PLOD2: variants seen among roughly 807,000 people sequenced by gnomAD.
The protein encoded by PLOD2 is procollagen-lysine,2-oxoglutarate 5-dioxygenase 2.
A neutral mutation model predicts 101.0 loss-of-function variants in PLOD2; 65 were observed. That is an observed-to-expected ratio of 0.64 (90% confidence interval 0.53 to 0.79). PLOD2 has a LOEUF of 0.79. Among genes scored for constraint, PLOD2 ranks in the 30% least tolerant of loss-of-function variants. The probability of loss-of-function intolerance (pLI) is 0.00; values close to 1 mark genes in which losing one functional copy is unlikely to be tolerated. For missense variants in PLOD2, 909 were observed against 914.6 expected, an observed-to-expected ratio of 0.99 and a Z score of 0.08; for synonymous variants, 314 against 302.9, an observed-to-expected ratio of 1.04 and a Z score of -0.38.
Position 146,091,893 on chromosome 3 carries a change from C to G in PLOD2, c.786G>C (p.Leu262=). The G allele has an allele frequency of 6.4e-7, 1 of 1,559,682 alleles. No homozygotes were observed. Among genetic ancestry groups the G allele is most frequent in the East Asian group, 2.2e-5 (1 of 44,500 alleles). ...INGNGPTKIL[L]NYFGNYVPNS... The stretch of plus-strand genomic sequence containing the variant: ...TGGGTACATAGTTTCCAAAATAATT[C>G]AGGAGAATCTTGTAAATGAAGGAAA... Residue 262 remains leucine, a synonymous_variant, in exon 8 of 20, where the codon CTG becomes CTC. Transcript: ENST00000282903.
rs752098974 is a variant in PLOD2 at position 146,106,602 on chromosome 3, T to C, written c.545A>G (p.Gln182Arg). 1.9e-6 allele frequency: 3 copies of C among 1,592,100 alleles called. No individual in the cohort carries two copies. The highest frequency in any genetic ancestry group is 2.6e-6 in the Non-Finnish European group (3 of 1,160,042). Residue 182 changes from glutamine to arginine, a missense_variant, in exon 5 of 20, where the codon CAA becomes CGA. Physicochemically the swap from Gln to Arg is conservative, Grantham distance 43 (BLOSUM62 1). Coordinates refer to ENST00000282903, the MANE Select transcript of PLOD2 (RefSeq NM_182943.3). ...ATCATCATTATCCTGGAGATTCCAT[T>C]GTTGAACTATACGGTTGACATATGG... Reference protein sequence around the residue: ...YAPYVNRIVQQWNLQDNDDDQ... With the variant: ...YAPYVNRIVQRWNLQDNDDDQ...
At chr3:146,095,831 G>A (rs1937128755) in intron 7 of PLOD2, among the ~76,000 whole-genome samples, 2 of 150,298 alleles carry the variant, frequency 1.3e-5, no homozygotes, top group African/African-American at 4.9e-5. Flanking sequence ...TGATAGACTG[G>A]ATAAAGAAAA....
chr3:146,069,914 A>C lies in PLOD2; in HGVS notation c.*803T>G, dbSNP rs1054444906. The C allele has an allele frequency of 2.0e-5, 3 of 152,240 alleles. No homozygotes were observed. The Admixed American group carries it at 2.0e-4, about 10-fold the overall frequency. The allele number at this position is 152,240 out of a possible 1,614,324, so 9.4% of individuals were successfully genotyped here. On this transcript the variant is annotated 3_prime_UTR_variant, in exon 20 of 20. Coordinates refer to ENST00000282903, the MANE Select transcript of PLOD2 (RefSeq NM_182943.3). The stretch of plus-strand genomic sequence containing the variant: ...CTTTCTAAAAAAGGAAACAAAGCAA[A>C]AACAACAACAAAAAAAACCTGTTTG...
Position 146,079,148 on chromosome 3 carries a change from C to A in PLOD2, c.1468G>T (p.Asp490Tyr), listed in dbSNP as rs1163531929. 6 of 1,612,924 alleles carry A rather than the reference C, an allele frequency of 3.7e-6. No homozygotes were observed. Among genetic ancestry groups the A allele is most frequent in the Non-Finnish European group, 5.1e-6 (6 of 1,179,056 alleles). Residue 490 changes from aspartate (D) to tyrosine (Y), a missense_variant, in exon 13 of 20, where the codon GAT becomes TAT. Coordinates refer to ENST00000282903, the MANE Select transcript of PLOD2 (RefSeq NM_182943.3). ...NYFVRDKLDP[D>Y]MALCRNAREM... ...CTAGCATTTCGGCAAAGAGCCATAT[C>A]AGGATCCAGTTTATCACGAACAAAA...
Position 146,106,590 on chromosome 3 carries a change from T to C in PLOD2, c.557A>G (p.Gln186Arg). The C allele has an allele frequency of 6.3e-7, 1 of 1,598,082 alleles. No homozygotes were observed. The highest frequency in any genetic ancestry group is 1.3e-5 in the African/African-American group (1 of 74,716). ...VNRIVQQWNL[Q>R]DNDDDQLFYT... ...AAAGAGCTGATCATCATCATTATCC[T>C]GGAGATTCCATTGTTGAACTATACG... Residue 186 changes from glutamine to arginine, a missense_variant, in exon 5 of 20, where the codon CAG (glutamine) becomes CGG (arginine). Coordinates refer to ENST00000282903, the MANE Select transcript of PLOD2 (RefSeq NM_182943.3).
chr3:146,103,555 G>A (rs148701063), intron 6 of PLOD2, among the ~76,000 whole-genome samples: 1,606 of 151,530 alleles, frequency 0.011, 5 homozygotes, highest in Non-Finnish European at 0.016. Context: ...GAACTCCTGG[G>A]ATCAATCAAT....
chr3:146,084,172 A>G (rs1238189086), intron 11 of PLOD2, among the ~76,000 whole-genome samples: 1 of 152,084 alleles, frequency 6.6e-6, no homozygotes, highest in Non-Finnish European at 1.5e-5. Flanking sequence ...GGGTGTCACA[A>G]CTGCTTTTCC....
At chr3:146,087,006 C>G (rs1576582116) in intron 9 of PLOD2, 98 bp from the exon 10 acceptor site, 1 of 611,704 alleles carries the variant, frequency 1.6e-6, no homozygotes, top group Non-Finnish European at 2.7e-6. Flanking sequence ...GTCATGAATT[C>G]TACAATTCAG....
At chr3:146,080,042 A>G (rs1936480334) in intron 12 of PLOD2, among the ~76,000 whole-genome samples, 1 of 152,018 alleles carries the variant, frequency 6.6e-6, no homozygotes, top group African/African-American at 2.4e-5. Flanking sequence ...TTTAGAGAAC[A>G]TCAAGGCAAG....
chr3:146,123,291 T>C (rs2030311226), intron 2 of PLOD2: 2 of 1,181,728 alleles, frequency 1.7e-6, no homozygotes, highest in African/African-American at 1.6e-5. Flanking sequence ...TCTCCTCTTA[T>C]TTGTAGAAAA....
intron 1 of PLOD2, among the ~76,000 whole-genome samples, chr3:146,144,254 C>T (rs1317212951): frequency 6.6e-6 from 1 of 152,026 alleles, no homozygotes; most frequent in Non-Finnish European, 1.5e-5. Flanking sequence ...ATATGCAACT[C>T]ACATAAGAAA....
rs561313513 is a variant in PLOD2, at chr3:146,072,719, T to C, written c.1744-54A>G. 29 of 1,044,402 alleles carry C rather than the reference T, an allele frequency of 2.8e-5. No individual in the cohort carries two copies. The East Asian group carries it at 7.1e-4, about 26-fold the overall frequency. 64.7% of individuals were successfully genotyped at this position (1,044,402 alleles called of 1,614,324 possible). A position where few individuals can be genotyped will look rare whatever the true frequency, so the allele number is the denominator to read the frequency against. On this transcript the variant is annotated intron_variant, in intron 16 of 19. Transcript: ENST00000282903. ...CATAATAACTTCTGTGTCTTAATAG[T>C]CTAAAATAGTTATTTTAATATGTGT... is the stretch of plus-strand genomic sequence containing the variant.
At chr3:146,157,652 T>C (rs558528725) in intron 1 of PLOD2, among the ~76,000 whole-genome samples, 1 of 152,350 alleles carries the variant, frequency 6.6e-6, no homozygotes, top group South Asian at 2.1e-4. Context: ...CTTTGTCCCA[T>C]GTGTTGGATA....
At chr3:146,115,330 G>T (rs1301067962) in intron 3 of PLOD2, among the ~76,000 whole-genome samples, 1 of 152,104 alleles carries the variant, frequency 6.6e-6, no homozygotes, top group African/African-American at 2.4e-5. Context: ...GATTCTACCT[G>T]ATGTGGTCAT....
At chr3:146,157,520 C>T (rs1022991267) in intron 1 of PLOD2, among the ~76,000 whole-genome samples, 5 of 152,162 alleles carry the variant, frequency 3.3e-5, no homozygotes, top group Non-Finnish European at 1.5e-5. Context: ...TCTAGGATTA[C>T]AGGACATGCG....
chr3:146,109,016 C>A (rs2108066696), intron 4 of PLOD2, among the ~76,000 whole-genome samples: 1 of 152,252 alleles, frequency 6.6e-6, no homozygotes, highest in Non-Finnish European at 1.5e-5. Context: ...CATCCATGAG[C>A]CGCATGCTCA....
intron 1 of PLOD2, among the ~76,000 whole-genome samples, chr3:146,133,399 TAATTTTTCCAATCTGTACAA>T (rs1387765523): frequency 6.6e-6 from 1 of 152,150 alleles, no homozygotes; most frequent in Non-Finnish European, 1.5e-5. Flanking sequence ...ATGAACCATA[TAATTTTTCCAATCTGTACAA>T]AAAAACACTT....
intron 1 of PLOD2, among the ~76,000 whole-genome samples, chr3:146,148,919 G>T (rs1442585861): frequency 2.0e-5 from 3 of 152,150 alleles, no homozygotes; most frequent in Non-Finnish European, 4.4e-5. Context: ...GAATGGCTGG[G>T]ATATTCCATT....
At chr3:146,077,034 A>G (rs1936371338) in intron 14 of PLOD2, 139 bp from the exon 15 acceptor site, 4 of 1,307,366 alleles carry the variant, frequency 3.1e-6, no homozygotes, top group African/African-American at 1.5e-5. Flanking sequence ...TTCATATAAA[A>G]TGTGCATAGT....
Sources: gnomAD v4.1 joint callset for allele counts (sites outside exome capture counted in the v4.1 genomes callset) on GRCh38, gnomAD v4.1.1 for gene constraint, MANE v1.5 for transcripts, NCBI Gene and HGNC (gene_info 2026-07-23, HGNC 2026-07-21) for gene names.